Variants in NPHP4 observed in about 807,000 individuals in gnomAD.
The protein encoded by NPHP4 is nephrocystin 4.
A neutral mutation model predicts 155.8 loss-of-function variants in NPHP4; 151 were observed. The observed-to-expected ratio is 0.97, with a 90% CI of 0.85 to 1.11. The LOEUF is 1.11. NPHP4 is among the 50% of genes least tolerant of loss of function. The pLI is 0.00. For missense variants in NPHP4, 1,956 were observed against 1,925.7 expected, an observed-to-expected ratio of 1.02 and a Z score of -0.29; for synonymous variants, 845 against 816.8, an observed-to-expected ratio of 1.03 and a Z score of -0.59.
chr1:5,949,339 T>TACACACACACACACACACACACAC (rs1411189925), intron 7 of NPHP4, among the ~76,000 whole-genome samples: 2 of 16,752 alleles, frequency 1.2e-4, no homozygotes, highest in Non-Finnish European at 2.4e-4. Context: ...CTCATTCACA[T>TACACACACACACACACACACACAC]ACATACACAC....
chr1:5,871,323 T>C (rs192513739), intron 23 of NPHP4, among the ~76,000 whole-genome samples: 37 of 152,260 alleles, frequency 2.4e-4, no homozygotes, highest in African/African-American at 8.4e-4. Flanking sequence ...TTCCAGCGTC[T>C]AAGAGCGGTG....
chr1:5,977,202 C>CAAACA (rs1304606592), intron 3 of NPHP4, among the ~76,000 whole-genome samples: 3 of 152,076 alleles, frequency 2.0e-5, no homozygotes, highest in African/African-American at 7.2e-5. Flanking sequence ...TGTTAAGAGT[C>CAAACA]AAACGTCAGC....
At position 5,964,915 on chromosome 1, in the gene NPHP4, T is replaced by TA. The variant is rs1557850129; in HGVS notation, c.517+2383dup. Among the ~76,000 whole-genome samples the TA allele has an allele frequency of 1.1e-3, 93 of 87,770 alleles. 11 individuals are homozygous for TA. The highest frequency in any genetic ancestry group is 4.2e-3 in the African/African-American group (83 of 19,848). The allele number at this position is 87,770 out of a possible 152,430, so 57.6% of individuals were successfully genotyped here. On this transcript the variant is annotated intron_variant, in intron 5 of 29. Transcript: ENST00000378156. ...ATATATAAAATATATAATACATATA[T>TA]ATTATATATATATATATATATATAT...
At chr1:5,942,587 CAAAA>C (rs34438938) in intron 9 of NPHP4, among the ~76,000 whole-genome samples, 1 of 82,782 alleles carries the variant, frequency 1.2e-5, no homozygotes, top group African/African-American at 4.8e-5. Flanking sequence ...TCATAAATGA[CAAAA>C]AAAAAAAAAA....
chr1:5,918,723 C>G (rs1404127163), intron 11 of NPHP4, among the ~76,000 whole-genome samples: 6 of 152,230 alleles, frequency 3.9e-5, no homozygotes, highest in African/African-American at 1.4e-4. Flanking sequence ...AACTTTATCA[C>G]AGCATCCTTG....
Position 5,935,548 on chromosome 1 carries a change from C to T in NPHP4, c.1120-2219G>A, listed in dbSNP as rs149790620. Among the ~76,000 whole-genome samples, 525 of 152,342 alleles carry T rather than the reference C, an allele frequency of 3.4e-3. 7 individuals are homozygous for T. The highest frequency in any genetic ancestry group is 0.012 in the South Asian group (59 of 4,830). Reference sequence around the variant, plus strand: ...GTGCTGAGCAACTATAGCATACCAACGACATGGTGATTATAACTCCACTGC... The same window carrying T: ...GTGCTGAGCAACTATAGCATACCAATGACATGGTGATTATAACTCCACTGC... On this transcript the variant is annotated intron_variant, in intron 9 of 29. Transcript: ENST00000378156.
rs534043130 is a variant in NPHP4 at position 5,890,310 on chromosome 1, C to T, written c.2304+558G>A. ...TTGGCCCAAGAGTTGTCATGGGGTC[C>T]CCTTCATACAATGGAGAAGGCTTGG... On this transcript the variant is annotated intron_variant, in intron 17 of 29. Transcript: ENST00000378156. The surrounding 1 kb of genome is among the most constrained non-coding windows in gnomAD (Gnocchi z 4.9). 5.9e-5 allele frequency among the ~76,000 whole-genome samples: 9 copies of T among 152,152 alleles called. No homozygotes were observed. Among genetic ancestry groups the T allele is most frequent in the African/African-American group, 1.9e-4 (8 of 41,500 alleles).
intron 13 of NPHP4, 99 bp downstream of exon 13, chr1:5,907,016 G>T: frequency 1.7e-6 from 1 of 586,370 alleles, no homozygotes; most frequent in Non-Finnish European, 2.8e-6. Flanking sequence ...CAAGGTCTCT[G>T]CCACCTAACT....
intron 19 of NPHP4, among the ~76,000 whole-genome samples, 158 bp downstream of exon 19, chr1:5,879,956 C>T (rs1035375936): frequency 3.3e-5 from 5 of 152,048 alleles, no homozygotes; most frequent in Non-Finnish European, 5.9e-5. Context: ...ATGGACAGCA[C>T]AGTCCCGTCC....
chr1:5,949,320 C>T (rs974249674), intron 7 of NPHP4, among the ~76,000 whole-genome samples: 5 of 86,182 alleles, frequency 5.8e-5, no homozygotes, highest in African/African-American at 2.0e-4. Context: ...AGGGAGCAAA[C>T]AAGTCCAGCT....
Position 5,887,397 on chromosome 1 carries a change from C to T in NPHP4, c.2374G>A (p.Glu792Lys), listed in dbSNP as rs764028061. ...HELEVVATEY[E>K]QDNMVVSGDM... Reference sequence around the variant, plus strand: ...CCACTCACCACCATGTTGTCCTGCTCGTATTCAGTTGCCACGACCTCAAGC... The same window carrying T: ...CCACTCACCACCATGTTGTCCTGCTTGTATTCAGTTGCCACGACCTCAAGC... Residue 792 changes from glutamate (E) to lysine (K), a missense_variant, in exon 18 of 30, where the codon GAG (glutamate) becomes AAG (lysine). Coordinates refer to ENST00000378156, the MANE Select transcript of NPHP4 (RefSeq NM_015102.5). The T allele has an allele frequency of 6.7e-5, 108 of 1,613,394 alleles. No individual in the cohort carries two copies. Among genetic ancestry groups the T allele is most frequent in the Non-Finnish European group, 8.6e-5 (101 of 1,179,892 alleles).
intron 2 of NPHP4, among the ~76,000 whole-genome samples, chr1:5,985,128 G>C (rs1398277724): frequency 6.6e-6 from 1 of 152,224 alleles, no homozygotes; most frequent in Non-Finnish European, 1.5e-5. Flanking sequence ...GAACGATATA[G>C]AACATCAGTG....
chr1:5,875,247 G>C (rs1347921709), intron 20 of NPHP4, 147 bp from the exon 21 acceptor site: 2 of 713,992 alleles, frequency 2.8e-6, no homozygotes, highest in South Asian at 1.7e-5. Context: ...TGACCATGTG[G>C]TCTGGGTGGA....
At position 5,978,369 on chromosome 1, in the gene NPHP4, C is replaced by T. The variant is rs1425636232; in HGVS notation, c.180G>A (p.Val60=). Residue 60 remains valine (V), a synonymous_variant, in exon 3 of 30, where the codon GTG becomes GTA. Coordinates refer to ENST00000378156, the MANE Select transcript of NPHP4 (RefSeq NM_015102.5). ...VLSEVECHLR[V]SFFDVTYRHF... is the part of the protein sequence containing the mutation. ...GCCGGTAGGTGACATCAAAGAAAGA[C>T]ACTCGCAGATGGCATTCAACCTCTG... 1 of 1,608,496 alleles carries T rather than the reference C, an allele frequency of 6.2e-7. No individual in the cohort carries two copies. Among genetic ancestry groups the T allele is most frequent in the Non-Finnish European group, 8.5e-7 (1 of 1,177,568 alleles).
chr1:5,906,087 G>A (rs561728862), intron 13 of NPHP4, among the ~76,000 whole-genome samples: 4 of 152,250 alleles, frequency 2.6e-5, no homozygotes, highest in South Asian at 4.1e-4. Flanking sequence ...GTTGAGAAGC[G>A]GTGAGGAGGG....
intron 2 of NPHP4, among the ~76,000 whole-genome samples, chr1:5,984,988 G>C (rs1655254284): frequency 6.6e-6 from 1 of 152,186 alleles, no homozygotes; most frequent in South Asian, 2.1e-4. Context: ...CAGCCTCATA[G>C]AGCTGCTCTG....
Position 5,880,169 on chromosome 1 carries a change from G to GT in NPHP4, c.2555dup (p.Asn852LysfsTer35), listed in dbSNP as rs1557636729. 1 of 1,613,650 alleles carries GT rather than the reference G, an allele frequency of 6.2e-7. No homozygotes were observed. The stretch of plus-strand genomic sequence containing the variant: ...CTCCAGAGAAGCGGCTGGCTCCATC[G>GT]TTTGAGATGACCCGAGATCTGGACG... On this transcript the variant is annotated frameshift_variant, in exon 19 of 30. Coordinates refer to ENST00000378156, the MANE Select transcript of NPHP4 (RefSeq NM_015102.5). LOFTEE classifies it high-confidence loss of function.
chr1:5,888,219 G>T, intron 17 of NPHP4: 1 of 564,378 alleles, frequency 1.8e-6, no homozygotes. Context: ...CTCTTCTGCT[G>T]ATCAGATTCC....
rs1465932293 is a variant in NPHP4 at position 5,867,704 on chromosome 1, G to A, written c.3472+36C>T. On this transcript the variant is annotated intron_variant, in intron 24 of 29. Transcript: ENST00000378156. This position sits in a 1 kb window ranked among gnomAD's most constrained non-coding sequence, Gnocchi z 4.1. ...GTATCTACTTCCAACAGGTGAGCCT[G>A]CAACATGTGGGCTGCAGGGTCAGTG... 4 of 1,600,716 alleles carry A rather than the reference G, an allele frequency of 2.5e-6. No individual in the cohort carries two copies. Among genetic ancestry groups the A allele is most frequent in the Admixed American group, 1.7e-5 (1 of 59,938 alleles).
Sources: gnomAD v4.1 joint callset for allele counts (sites outside exome capture counted in the v4.1 genomes callset) on GRCh38, gnomAD v4.1.1 for gene constraint, Gnocchi (gnomAD v3.1) non-coding constraint, MANE v1.5 for transcripts, NCBI Gene and HGNC (gene_info 2026-07-23, HGNC 2026-07-21) for gene names.